The following FRG2 variants were observed in gnomAD, a reference collection of about 807,000 sequenced individuals.
FRG2 encodes the protein FSHD region gene 2, also known as protein FRG2.
A neutral mutation model predicts 24.9 loss-of-function variants in FRG2; 9 were observed. The ratio of observed to expected loss-of-function variants is 0.36; its 90% CI spans 0.22 to 0.63. The LOEUF (loss-of-function observed/expected upper bound fraction) is 0.63, where lower values mean the gene tolerates loss of function less well. Ranked by LOEUF, FRG2 falls within the 20% of genes least tolerant of loss-of-function variation. FRG2 has a pLI of 0.68. For synonymous variants in FRG2, 51 were observed against 117.2 expected (o/e 0.44, Z 3.65); for missense variants, 126 against 305.4 (o/e 0.41, Z 4.38).
chr4:190,026,060 C>T lies in FRG2; in HGVS notation c.341G>A (p.Cys114Tyr). 2.5e-6 allele frequency: 4 copies of T among 1,605,318 alleles called. No homozygotes were observed. Among genetic ancestry groups the T allele is most frequent in the Non-Finnish European group, 3.4e-6 (4 of 1,174,610 alleles). The change falls in exon 4 of 4, where the codon TGT (cysteine) becomes TAT (tyrosine). Residue 114 changes from cysteine (C) to tyrosine (Y), a missense_variant. Cys to Tyr is a radical substitution (Grantham distance 194). Around this residue, in one of 4 missense-constraint regions of FRG2, gnomAD observed 75 missense variants for 89.1 expected, o/e 0.84. Transcript: ENST00000504750. Reference protein sequence around the residue: ...KDSCQDTAGNCPEKECSLSLN... With the variant: ...KDSCQDTAGNYPEKECSLSLN... The stretch of plus-strand genomic sequence containing the variant: ...TGACAAGCTGCACTCCTTTTCTGGA[C>T]AGTTCCCTGCAAAGAAAGCATGTGA...
rs1447724634 is a variant in FRG2 at position 190,024,853 on chromosome 4, G to A, written c.*708C>T. The stretch of plus-strand genomic sequence containing the variant: ...TATTAGTACTCCATGGGTTCAGGCT[G>A]GAAGAGTGAGAGCCTACAACCTTTT... On this transcript the variant is annotated 3_prime_UTR_variant, in exon 4 of 4. Transcript: ENST00000504750. 2 of 151,046 alleles carry A rather than the reference G, an allele frequency of 1.3e-5. No individual in the cohort carries two copies. The highest frequency in any genetic ancestry group is 4.8e-5 in the African/African-American group (2 of 41,496). The allele number at this position is 151,046 out of a possible 1,614,324, so 9.4% of individuals were successfully genotyped here. A position where few individuals can be genotyped will look rare whatever the true frequency, so the allele number is the denominator to read the frequency against.
At position 190,025,742 on chromosome 4, in the gene FRG2, G is replaced by T; in HGVS notation, c.659C>A (p.Ala220Asp). 1.4e-5 allele frequency: 23 copies of T among 1,606,306 alleles called. 1 individual carries two copies. The South Asian group carries it at 2.4e-4, about 17-fold the overall frequency. ...LLTRLRGPLC[A>D]QVQTLYSMAT... Reference sequence around the variant, plus strand: ...CATGGAATACAAGGTCTGCACCTGGGCACACAGAGGCCCCCGGAGCCGAGT... The same window carrying T: ...CATGGAATACAAGGTCTGCACCTGGTCACACAGAGGCCCCCGGAGCCGAGT... Residue 220 changes from alanine to aspartate, a missense_variant, in exon 4 of 4, where the codon GCC becomes GAC. By Grantham distance (126) the Ala-to-Asp change is moderately radical. Around this residue, in one of 4 missense-constraint regions of FRG2, gnomAD observed 30 missense variants for 107.1 expected, o/e 0.28. Coordinates refer to ENST00000504750, the MANE Select transcript of FRG2 (RefSeq NM_001286820.2).
chr4:190,025,862 A>G lies in FRG2; in HGVS notation c.539T>C (p.Val180Ala). 1.9e-6 allele frequency: 3 copies of G among 1,613,954 alleles called. No individual in the cohort carries two copies. Among genetic ancestry groups the G allele is most frequent in the Non-Finnish European group, 1.7e-6 (2 of 1,179,864 alleles). The change falls in exon 4 of 4, where the codon GTG becomes GCG. Residue 180 changes from valine (V) to alanine (A), a missense_variant. Val to Ala is a moderately conservative substitution (Grantham distance 64). Around this residue, in one of 4 missense-constraint regions of FRG2, gnomAD observed 75 missense variants for 89.1 expected, o/e 0.84. Transcript: ENST00000504750. ...PSIRKSLVTS[V>A]RAMSEAVYQD... ...ATAAACAGCCTCTGACATAGCTCGC[A>G]CAGAAGTCACCAAGCTTTTTCGAAT...
Position 190,024,667 on chromosome 4 carries a change from CAATA to C in FRG2, c.*890_*893del, listed in dbSNP as rs1480513234. The C allele has an allele frequency of 6.7e-6, 1 of 148,482 alleles. No individual in the cohort carries two copies. The highest frequency in any genetic ancestry group is 1.5e-5 in the Non-Finnish European group (1 of 66,342). 9.2% of individuals were successfully genotyped at this position (148,482 alleles called of 1,614,324 possible). ...AAATGAAATGAAACATGAGGCAGGTCAATAAATAAGTACAATCATTTACCATTTA... is the reference window on the plus strand; with the variant it reads ...AAATGAAATGAAACATGAGGCAGGTCAATAAGTACAATCATTTACCATTTA... On this transcript the variant is annotated 3_prime_UTR_variant, in exon 4 of 4. Coordinates refer to ENST00000504750, the MANE Select transcript of FRG2 (RefSeq NM_001286820.2).
At chr4:190,026,167 C>T (rs1237201837) in intron 3 of FRG2, 101 bp from the exon 4 acceptor site, 8 of 1,335,092 alleles carry the variant, frequency 6.0e-6, no homozygotes, top group Non-Finnish European at 8.2e-6. Context: ...GTCTCTCCCA[C>T]TCCTTCCTGA....
At chr4:190,026,111 G>C (rs1365290319) in intron 3 of FRG2, 45 bp from the exon 4 acceptor site, 1 of 1,555,714 alleles carries the variant, frequency 6.4e-7, no homozygotes, top group African/African-American at 1.4e-5. Context: ...AGTCCCCACA[G>C]ACCCTGATTT....
In FRG2 at chr4:190,025,951, G is replaced by A; in HGVS notation, c.450C>T (p.Ser150=). Residue 150 remains serine, a synonymous_variant, in exon 4 of 4, where the codon TCC becomes TCT. Transcript: ENST00000504750. ...ETCDAHHRGH[S]RACTGHSKRH... ...GCTTGCTGTGCCCAGTGCAAGCCCT[G>A]GAATGTCCCCTATGGTGGGCATCAC... The A allele has an allele frequency of 6.2e-7, 1 of 1,614,018 alleles. No homozygotes were observed. The highest frequency in any genetic ancestry group is 2.2e-5 in the East Asian group (1 of 44,886).
Position 190,025,939 on chromosome 4 carries a change from A to G in FRG2, c.462T>C (p.Thr154=). ...AHHRGHSRAC[T]GHSKRHRSRA... ...GAGACCTATGCCGCTTGCTGTGCCC[A>G]GTGCAAGCCCTGGAATGTCCCCTAT... Residue 154 remains threonine (T), a synonymous_variant, in exon 4 of 4, where the codon ACT becomes ACC. Transcript: ENST00000504750. 2.5e-6 allele frequency: 4 copies of G among 1,613,992 alleles called. No individual in the cohort carries two copies. In the Admixed American group the frequency reaches 6.7e-5, roughly 27 times the overall value.
intron 3 of FRG2, 78 bp from the exon 4 acceptor site, chr4:190,026,144 G>A: frequency 6.7e-7 from 1 of 1,496,584 alleles, no homozygotes. Context: ...GTACACCCAG[G>A]TGAACCCCAC....
At chr4:190,026,157 G>A in intron 3 of FRG2, 91 bp from the exon 4 acceptor site, 5 of 1,414,916 alleles carry the variant, frequency 3.5e-6, no homozygotes, top group South Asian at 1.4e-5. Context: ...AACCCCACTT[G>A]TCTCTCCCAC....
chr4:190,024,758 T>C lies in FRG2; in HGVS notation c.*803A>G, dbSNP rs2126359027. The C allele has an allele frequency of 6.6e-6, 1 of 152,392 alleles. No individual in the cohort carries two copies. The highest frequency in any genetic ancestry group is 1.5e-5 in the Non-Finnish European group (1 of 68,038). 9.4% of individuals were successfully genotyped at this position (152,392 alleles called of 1,614,324 possible). A position where few individuals can be genotyped will look rare whatever the true frequency, so the allele number is the denominator to read the frequency against. On this transcript the variant is annotated 3_prime_UTR_variant, in exon 4 of 4. Transcript: ENST00000504750. ...AAGTAAACAGCTTGCATAGTAATTTTACTATAATTATATCAAACTAAAAAT... is the reference window on the plus strand; with the variant it reads ...AAGTAAACAGCTTGCATAGTAATTTCACTATAATTATATCAAACTAAAAAT...
chr4:190,026,515 T>A, intron 2 of FRG2, 54 bp from the exon 3 acceptor site: 1 of 1,303,482 alleles, frequency 7.7e-7, no homozygotes, highest in Non-Finnish European at 1.1e-6. Context: ...ACCCTGAAAT[T>A]CCTAGTCCAT....
At position 190,025,899 on chromosome 4, in the gene FRG2, G is replaced by A; in HGVS notation, c.502C>T (p.Gln168Ter). Residue 168 changes from glutamine (Q) to a stop codon, truncating the protein, a stop_gained, in exon 4 of 4, where the codon CAA becomes TAA. Coordinates refer to ENST00000504750, the MANE Select transcript of FRG2 (RefSeq NM_001286820.2). LOFTEE classifies it high-confidence loss of function. ...KRHRSRALGV[Q>*]TPSIRKSLVT... is the part of the protein sequence containing the mutation. ...AAGCTTTTTCGAATTGACGGTGTTTGGACTCCTAGGGCCCGAGACCTATGC... is the reference window on the plus strand; with the variant it reads ...AAGCTTTTTCGAATTGACGGTGTTTAGACTCCTAGGGCCCGAGACCTATGC... The A allele has an allele frequency of 6.2e-7, 1 of 1,614,018 alleles. No individual in the cohort carries two copies. Among genetic ancestry groups the A allele is most frequent in the East Asian group, 2.2e-5 (1 of 44,886 alleles).
At position 190,025,940 on chromosome 4, in the gene FRG2, G is replaced by C. The variant is rs1339526804; in HGVS notation, c.461C>G (p.Thr154Ser). 2 of 1,613,912 alleles carry C rather than the reference G, an allele frequency of 1.2e-6. No individual in the cohort carries two copies. Among genetic ancestry groups the C allele is most frequent in the African/African-American group, 2.7e-5 (2 of 74,942 alleles). ...AHHRGHSRAC[T>S]GHSKRHRSRA... Reference sequence around the variant, plus strand: ...AGACCTATGCCGCTTGCTGTGCCCAGTGCAAGCCCTGGAATGTCCCCTATG... The same window carrying C: ...AGACCTATGCCGCTTGCTGTGCCCACTGCAAGCCCTGGAATGTCCCCTATG... The change falls in exon 4 of 4, where the codon ACT (threonine) becomes AGT (serine). Residue 154 changes from threonine to serine, a missense_variant. Around this residue, in one of 4 missense-constraint regions of FRG2, gnomAD observed 75 missense variants for 89.1 expected, o/e 0.84. Transcript: ENST00000504750.
chr4:190,025,755 C>G lies in FRG2; in HGVS notation c.646G>C (p.Gly216Arg), dbSNP rs1170792565. Residue 216 changes from glycine to arginine, a missense_variant, in exon 4 of 4, where the codon GGG becomes CGG. Transcript: ENST00000504750. ...EQLTLLTRLR[G>R]PLCAQVQTLY... ...GTCTGCACCTGGGCACACAGAGGCC[C>G]CCGGAGCCGAGTGAGCAGTGTCAGC... The G allele has an allele frequency of 4.4e-6, 7 of 1,608,824 alleles. No individual in the cohort carries two copies. The highest frequency in any genetic ancestry group is 1.7e-4 in the Middle Eastern group (1 of 6,028).
intron 3 of FRG2, 93 bp from the exon 4 acceptor site, chr4:190,026,159 C>A: frequency 7.2e-7 from 1 of 1,388,180 alleles, no homozygotes; most frequent in Non-Finnish European, 9.8e-7. Flanking sequence ...CCCCACTTGT[C>A]TCTCCCACTC....
At position 190,027,124 on chromosome 4, in the gene FRG2, G is replaced by C; in HGVS notation, c.81C>G (p.Ile27Met). The stretch of plus-strand genomic sequence containing the variant: ...CATCTGAGCCCTTTTCTGTAAAGGA[G>C]ATCTGTTGGAAAGGGGGCTGGTCAG... Reference protein sequence around the residue: ...CSTDQPPFQQISFTEKGSDEK... With the variant: ...CSTDQPPFQQMSFTEKGSDEK... The change falls in exon 1 of 4, where the codon ATC becomes ATG. Residue 27 changes from isoleucine to methionine, a missense_variant. By Grantham distance (10) the Ile-to-Met change is conservative (BLOSUM62 1). Around this residue, in one of 4 missense-constraint regions of FRG2, gnomAD observed 16 missense variants for 30.5 expected, o/e 0.53. Coordinates refer to ENST00000504750, the MANE Select transcript of FRG2 (RefSeq NM_001286820.2). 1 of 1,604,918 alleles carries C rather than the reference G, an allele frequency of 6.2e-7. No homozygotes were observed. The highest frequency in any genetic ancestry group is 1.4e-5 in the African/African-American group (1 of 73,308).
Position 190,025,989 on chromosome 4 carries a change from T to C in FRG2, c.412A>G (p.Ile138Val), listed in dbSNP as rs1331178722. 104 of 1,613,984 alleles carry C rather than the reference T, an allele frequency of 6.4e-5. No homozygotes were observed. In the East Asian group the frequency reaches 1.8e-3, roughly 29 times the overall value. The change falls in exon 4 of 4, where the codon ATC (isoleucine) becomes GTC (valine). Residue 138 changes from isoleucine to valine, a missense_variant. By Grantham distance (29) the Ile-to-Val change is conservative (BLOSUM62 3). This residue lies in a region of FRG2 where 75 missense variants were observed against 89.1 expected (regional missense o/e 0.84). Coordinates refer to ENST00000504750, the MANE Select transcript of FRG2 (RefSeq NM_001286820.2). ...TGGTGGGCATCACAGGTCTCCTGGA[T>C]TTCACTGTTGTGCACAGCAGTGGAG... ...RSSTAVHNSE[I>V]QETCDAHHRG...
At position 190,025,578 on chromosome 4, in the gene FRG2, C is replaced by G; in HGVS notation, c.823G>C (p.Asp275His). 1 of 837,474 alleles carries G rather than the reference C, an allele frequency of 1.2e-6. No homozygotes were observed. The highest frequency in any genetic ancestry group is 1.8e-6 in the Non-Finnish European group (1 of 566,364). 51.9% of individuals were successfully genotyped at this position (837,474 alleles called of 1,614,324 possible). A position where few individuals can be genotyped will look rare whatever the true frequency, so the allele number is the denominator to read the frequency against. The change falls in exon 4 of 4, where the codon GAT (aspartate) becomes CAT (histidine). Residue 275 changes from aspartate to histidine, a missense_variant. Transcript: ENST00000504750. ...QEITETVSGSDEAKL is the reference protein window; with the variant it reads ...QEITETVSGSHEAKL ...CAGGGTGCTCACAGCTTAGCCTCAT[C>G]TGATCCACTGACAGTCTCAGTTATC...
Sources: allele counts gnomAD v4.1 joint callset, GRCh38; gene constraint gnomAD v4.1.1; regional missense constraint gnomAD v4.1.1; transcripts MANE v1.5; gene names NCBI Gene and HGNC (gene_info 2026-07-23, HGNC 2026-07-21).